The following PRKN variants were observed in gnomAD, a reference collection of about 807,000 sequenced individuals.
PRKN encodes parkin RBR E3 ubiquitin protein ligase.
A neutral mutation model predicts 59.5 loss-of-function variants in PRKN; 56 were observed. The ratio of observed to expected loss-of-function variants is 0.94; its 90% CI spans 0.76 to 1.18. The LOEUF is 1.18. PRKN is among the 50% of genes most tolerant of loss of function. PRKN has a pLI of 0.00. For synonymous variants in PRKN, 250 were observed against 222.1 expected (o/e 1.13, Z -1.12); for missense variants, 657 against 596.4 (o/e 1.10, Z -1.06).
chr6:162,436,811 G>A (rs1789795566), intron 2 of PRKN, among the ~76,000 whole-genome samples: 1 of 147,940 alleles, frequency 6.8e-6, no homozygotes, highest in Admixed American at 6.7e-5. Context: ...CAAGAAAGAG[G>A]CCAGGAGTGG....
At chr6:162,184,431 C>G (rs1783932473) in intron 4 of PRKN, among the ~76,000 whole-genome samples, 1 of 152,180 alleles carries the variant, frequency 6.6e-6, no homozygotes, top group South Asian at 2.1e-4. Flanking sequence ...TGGGAGGTAA[C>G]TGAATCATGT....
At chr6:161,699,152 A>C (rs2128178331) in intron 7 of PRKN, among the ~76,000 whole-genome samples, 1 of 152,258 alleles carries the variant, frequency 6.6e-6, no homozygotes, top group South Asian at 2.1e-4. Flanking sequence ...TTAGTCATTA[A>C]GAGAATGCAA....
rs1373636648 is a variant in PRKN at position 161,484,731 on chromosome 6, G to A, written c.1083+64123C>T. Reference sequence around the variant, plus strand: ...TTTGGCACCATCCCTGCCTCTACCCGCTAGATGCTAGAAGCATCCCCCTGT... The same window carrying A: ...TTTGGCACCATCCCTGCCTCTACCCACTAGATGCTAGAAGCATCCCCCTGT... On this transcript the variant is annotated intron_variant, in intron 9 of 11. Coordinates refer to ENST00000366898, the MANE Select transcript of PRKN (RefSeq NM_004562.3). This position sits in a 1 kb window ranked among gnomAD's most constrained non-coding sequence, Gnocchi z 4.9. 1.3e-5 allele frequency among the ~76,000 whole-genome samples: 2 copies of A among 152,132 alleles called. No individual in the cohort carries two copies. Among genetic ancestry groups the A allele is most frequent in the East Asian group, 1.9e-4 (1 of 5,180 alleles).
chr6:161,791,231 G>A (rs1054894158), intron 6 of PRKN, among the ~76,000 whole-genome samples: 6 of 151,860 alleles, frequency 4.0e-5, no homozygotes, highest in African/African-American at 9.7e-5. Context: ...TGATTTCTCT[G>A]TTTTGATAAA....
At chr6:162,557,228 C>T (rs1213892358) in intron 1 of PRKN, among the ~76,000 whole-genome samples, 1 of 152,210 alleles carries the variant, frequency 6.6e-6, no homozygotes, top group African/African-American at 2.4e-5. Context: ...CACACTTAAT[C>T]CCCTGTATTC....
intron 9 of PRKN, among the ~76,000 whole-genome samples, chr6:161,452,807 C>CA (rs1789793802): frequency 6.6e-6 from 1 of 151,948 alleles, no homozygotes; most frequent in African/African-American, 2.4e-5. Context: ...GTGATGATTC[C>CA]ATAACCCACA....
rs34053908 is a variant in PRKN, at chr6:162,717,565, C to CAAA, written c.7+10094_7+10096dup. On this transcript the variant is annotated intron_variant, in intron 1 of 11. Transcript: ENST00000366898. ...TGAGTGACAGAGGGAGATCTTGTCT[C>CAAA]AAAAAAAAAAAAAAAAAAAAGTCAT... Among the ~76,000 whole-genome samples the CAAA allele has an allele frequency of 1.4e-4, 17 of 117,708 alleles. 2 individuals carry two copies. The highest frequency in any genetic ancestry group is 7.6e-4 in the East Asian group (3 of 3,924). 77.2% of individuals were successfully genotyped at this position (117,708 alleles called of 152,430 possible). A position where few individuals can be genotyped will look rare whatever the true frequency, so the allele number is the denominator to read the frequency against.
At chr6:162,214,186 A>AGGAAG (rs1191192188) in intron 3 of PRKN, among the ~76,000 whole-genome samples, 1 of 152,202 alleles carries the variant, frequency 6.6e-6, no homozygotes, top group African/African-American at 2.4e-5. Flanking sequence ...AGGCACCTGA[A>AGGAAG]GGAAGGGAAG....
rs115351532 is a variant in PRKN, at chr6:161,430,070, T to C, written c.1084-43193A>G. ...GCAGCTGCACATGGCATGGGTTGCATTACAGGTGTGAGGACCCTGACTTTA... is the reference window on the plus strand; with the variant it reads ...GCAGCTGCACATGGCATGGGTTGCACTACAGGTGTGAGGACCCTGACTTTA... On this transcript the variant is annotated intron_variant, in intron 9 of 11. Coordinates refer to ENST00000366898, the MANE Select transcript of PRKN (RefSeq NM_004562.3). 5.1e-3 allele frequency among the ~76,000 whole-genome samples: 771 copies of C among 152,300 alleles called. 8 individuals are homozygous for C. The highest frequency in any genetic ancestry group is 0.018 in the African/African-American group (734 of 41,550).
intron 1 of PRKN, among the ~76,000 whole-genome samples, chr6:162,466,542 G>T (rs1791424366): frequency 6.6e-6 from 1 of 151,882 alleles, no homozygotes; most frequent in Non-Finnish European, 1.5e-5. Flanking sequence ...AGGACAATAG[G>T]CATGTGCCAC....
At chr6:162,679,491 T>C (rs1466021996) in intron 1 of PRKN, among the ~76,000 whole-genome samples, 1 of 152,208 alleles carries the variant, frequency 6.6e-6, no homozygotes, top group African/African-American at 2.4e-5. Context: ...TGGTATTATA[T>C]CTAAGAAATC....
chr6:161,964,451 T>C (rs1780500165), intron 6 of PRKN, among the ~76,000 whole-genome samples: 1 of 151,978 alleles, frequency 6.6e-6, no homozygotes, highest in African/African-American at 2.4e-5. Context: ...GAATCACTCC[T>C]GGCATAAGGA....
chr6:161,380,404 C>T (rs148320174), intron 10 of PRKN, among the ~76,000 whole-genome samples: 16 of 151,320 alleles, frequency 1.1e-4, no homozygotes, highest in African/African-American at 3.6e-4. Context: ...GAACAGTGGC[C>T]AAGTCCAAAG....
chr6:162,118,724 C>A (rs1780780565), intron 4 of PRKN, among the ~76,000 whole-genome samples: 1 of 152,216 alleles, frequency 6.6e-6, no homozygotes, highest in Admixed American at 6.5e-5. Context: ...TATAAGGTAA[C>A]CAGTGCATTA....
chr6:162,697,624 G>C (rs898621291), intron 1 of PRKN, among the ~76,000 whole-genome samples: 3 of 152,110 alleles, frequency 2.0e-5, no homozygotes, highest in Non-Finnish European at 4.4e-5. Context: ...ATATGCTATG[G>C]CGTCAAAAGT....
At chr6:162,360,517 TAC>T (rs1342378103) in intron 2 of PRKN, among the ~76,000 whole-genome samples, 2 of 152,330 alleles carry the variant, frequency 1.3e-5, no homozygotes, top group African/African-American at 4.8e-5. Context: ...CTACTCTCGA[TAC>T]AGTCAGACAT....
Position 161,483,359 on chromosome 6 carries a change from TC to T in PRKN, c.1083+65494del, listed in dbSNP as rs1791506310. Among the ~76,000 whole-genome samples, 1 of 152,080 alleles carries T rather than the reference TC, an allele frequency of 6.6e-6. No individual in the cohort carries two copies. The highest frequency in any genetic ancestry group is 2.4e-5 in the African/African-American group (1 of 41,398). On this transcript the variant is annotated intron_variant, in intron 9 of 11. Transcript: ENST00000366898. The surrounding 1 kb of genome is among the most constrained non-coding windows in gnomAD (Gnocchi z 5.0). Reference sequence around the variant, plus strand: ...TGTTTCACAGTGCTCCATGTCGGCTTCCCCCTGAAAATCCATGATAAAGATT... The same window carrying T: ...TGTTTCACAGTGCTCCATGTCGGCTTCCCCTGAAAATCCATGATAAAGATT...
In PRKN at chr6:161,396,478, T is replaced by A. The variant is rs116645547; in HGVS notation, c.1084-9601A>T. 2.0e-3 allele frequency among the ~76,000 whole-genome samples: 309 copies of A among 152,310 alleles called. 3 individuals are homozygous for A. The highest frequency in any genetic ancestry group is 7.0e-3 in the African/African-American group (291 of 41,558). Reference sequence around the variant, plus strand: ...GAACTGGAGCACTGGTCACAGAGTATCAAATTCAATGCCACTTTCAAACAT... The same window carrying A: ...GAACTGGAGCACTGGTCACAGAGTAACAAATTCAATGCCACTTTCAAACAT... On this transcript the variant is annotated intron_variant, in intron 9 of 11. Transcript: ENST00000366898. This position sits in a 1 kb window ranked among gnomAD's most constrained non-coding sequence, Gnocchi z 5.4.
chr6:161,984,403 G>C (rs144671639), intron 5 of PRKN, among the ~76,000 whole-genome samples: 4 of 152,056 alleles, frequency 2.6e-5, no homozygotes, highest in African/African-American at 9.7e-5. Flanking sequence ...GATTACAGGC[G>C]TGTGCTACCA....
Sources: gnomAD v4.1 joint callset for allele counts (sites outside exome capture counted in the v4.1 genomes callset) on GRCh38, gnomAD v4.1.1 for gene constraint, Gnocchi (gnomAD v3.1) non-coding constraint, MANE v1.5 for transcripts, NCBI Gene and HGNC (gene_info 2026-07-23, HGNC 2026-07-21) for gene names.